Variants in NR1H4 observed in about 807,000 individuals in gnomAD.
NR1H4 encodes the protein nuclear receptor subfamily 1 group H member 4, also known as bile acid receptor.
Under a neutral mutation model 58.5 loss-of-function variants are expected in NR1H4, and 23 were observed. The ratio of observed to expected loss-of-function variants is 0.39; its 90% CI spans 0.28 to 0.56. The LOEUF (loss-of-function observed/expected upper bound fraction) is 0.56, where lower values mean the gene tolerates loss of function less well. NR1H4 is among the 20% of genes least tolerant of loss of function. The pLI is 0.58. For missense variants in NR1H4, 487 were observed against 576.9 expected (o/e 0.84, Z 1.60); for synonymous variants, 214 against 198.0 (o/e 1.08, Z -0.68).
Position 100,535,077 on chromosome 12 carries a change from A to G in NR1H4, c.732+54A>G, listed in dbSNP as rs1013767840. 1.6e-5 allele frequency: 26 copies of G among 1,607,608 alleles called. 1 individual carries two copies. The highest frequency in any genetic ancestry group is 2.1e-5 in the Non-Finnish European group (25 of 1,174,202). The stretch of plus-strand genomic sequence containing the variant: ...ACTGGCAGGAACTGAGTTTCTAGGT[A>G]CATAGTGAGCTGGCCAGGAGGCTTT... On this transcript the variant is annotated intron_variant, in intron 6 of 10. Transcript: ENST00000392986.
At position 100,519,659 on chromosome 12, in the gene NR1H4, G is replaced by T. The variant is rs537292289; in HGVS notation, c.445+8516G>T. On this transcript the variant is annotated intron_variant, in intron 4 of 10. Coordinates refer to ENST00000392986, the MANE Select transcript of NR1H4 (RefSeq NM_001206979.2). ...ATGCTGGGTGCAGAGAACCCTGGGG[G>T]TTTCTCCAGTTCTACCCAGGAAAGG... Among the ~76,000 whole-genome samples, 437 of 152,256 alleles carry T rather than the reference G, an allele frequency of 2.9e-3. 1 individual carries two copies. Among genetic ancestry groups the T allele is most frequent in the Non-Finnish European group, 5.2e-3 (351 of 68,006 alleles).
chr12:100,507,100 A>G (rs1012101131), intron 3 of NR1H4, among the ~76,000 whole-genome samples: 4 of 152,220 alleles, frequency 2.6e-5, no homozygotes, highest in Non-Finnish European at 5.9e-5. Context: ...TCCAGATTCT[A>G]TCGGTTTTTG....
intron 3 of NR1H4, chr12:100,503,294 G>C (rs1300002299): frequency 2.8e-6 from 4 of 1,441,090 alleles, no homozygotes; most frequent in African/African-American, 1.4e-5. Context: ...CAAATATTCT[G>C]CTCCGTAATG....
At chr12:100,507,605 GGT>G (rs1338457681) in intron 3 of NR1H4, among the ~76,000 whole-genome samples, 1 of 152,080 alleles carries the variant, frequency 6.6e-6, no homozygotes, top group African/African-American at 2.4e-5. Context: ...TGGGACTACA[GGT>G]GTGCACCACC....
At chr12:100,475,100 G>A (rs1345904673) in intron 1 of NR1H4, among the ~76,000 whole-genome samples, 1 of 148,534 alleles carries the variant, frequency 6.7e-6, no homozygotes, top group African/African-American at 2.6e-5. Context: ...TTATATGTCA[G>A]TCACACCTCA....
At chr12:100,545,640 T>C (rs1390574679) in intron 9 of NR1H4, among the ~76,000 whole-genome samples, 3 of 28,242 alleles carry the variant, frequency 1.1e-4, no homozygotes, top group African/African-American at 3.0e-4. Flanking sequence ...AGACCTTGTC[T>C]CAAAAAAAAA....
In NR1H4 at chr12:100,528,875, T is replaced by C. The variant is rs3789983; in HGVS notation, c.446-3583T>C. Among the ~76,000 whole-genome samples the C allele has an allele frequency of 0.012, 1,885 of 152,262 alleles. 118 individuals are homozygous for C. The East Asian group carries it at 0.15, about 12-fold the overall frequency. On this transcript the variant is annotated intron_variant, in intron 4 of 10. Transcript: ENST00000392986. ...CTTTATTCTGTTAACTATTAAGCTG[T>C]CTATCAGTATCTATGACAGTTTTAA... is the stretch of plus-strand genomic sequence containing the variant.
At chr12:100,552,732 A>G (rs1430832241) in intron 9 of NR1H4, among the ~76,000 whole-genome samples, 1 of 152,094 alleles carries the variant, frequency 6.6e-6, no homozygotes, top group African/African-American at 2.4e-5. Context: ...AGACCGGCCT[A>G]GAATACATAG....
intron 9 of NR1H4, among the ~76,000 whole-genome samples, chr12:100,558,598 A>G (rs1168729601): frequency 2.6e-5 from 4 of 152,216 alleles, no homozygotes; most frequent in South Asian, 2.1e-4. Context: ...AGCTCAAGCA[A>G]TCTTCCAGCC....
At chr12:100,506,489 T>C (rs1953968338) in intron 3 of NR1H4, among the ~76,000 whole-genome samples, 1 of 152,144 alleles carries the variant, frequency 6.6e-6, no homozygotes, top group African/African-American at 2.4e-5. Flanking sequence ...TAGAAGTGAA[T>C]GTGCTTTGAG....
At chr12:100,478,553 C>T (rs1278022655) in intron 1 of NR1H4, among the ~76,000 whole-genome samples, 2 of 152,068 alleles carry the variant, frequency 1.3e-5, no homozygotes, top group African/African-American at 4.8e-5. Context: ...TATTTTTTGA[C>T]CTTCCCCTAG....
intron 1 of NR1H4, among the ~76,000 whole-genome samples, chr12:100,482,537 G>A (rs1953403650): frequency 6.6e-6 from 1 of 152,156 alleles, no homozygotes; most frequent in Non-Finnish European, 1.5e-5. Flanking sequence ...ATTGTGCAAG[G>A]CATTGGAGAT....
chr12:100,504,295 C>T (rs1034279537), intron 3 of NR1H4, among the ~76,000 whole-genome samples: 1 of 152,068 alleles, frequency 6.6e-6, no homozygotes, highest in Non-Finnish European at 1.5e-5. Flanking sequence ...CAAGAAAAAA[C>T]TCGAGTCATT....
chr12:100,510,563 T>C (rs1246559706), intron 3 of NR1H4, among the ~76,000 whole-genome samples: 2 of 149,420 alleles, frequency 1.3e-5, no homozygotes, highest in Non-Finnish European at 3.0e-5. Flanking sequence ...GTCTGTCCTC[T>C]ATGTTGCAGA....
At chr12:100,499,625 G>T (rs557870385) in intron 3 of NR1H4, among the ~76,000 whole-genome samples, 33 of 152,240 alleles carry the variant, frequency 2.2e-4, no homozygotes, top group African/African-American at 7.9e-4. Flanking sequence ...TTGGCCAGCT[G>T]GTAGGCGATT....
At chr12:100,546,975 T>A (rs1198715513) in intron 9 of NR1H4, among the ~76,000 whole-genome samples, 1 of 152,180 alleles carries the variant, frequency 6.6e-6, no homozygotes, top group Non-Finnish European at 1.5e-5. Context: ...ACAGTATGAC[T>A]GGCTTACCCA....
intron 3 of NR1H4, among the ~76,000 whole-genome samples, chr12:100,501,079 A>C (rs1211763695): frequency 6.6e-6 from 1 of 151,864 alleles, no homozygotes; most frequent in Non-Finnish European, 1.5e-5. Flanking sequence ...TTCTGTGTGA[A>C]TTTCACTCAG....
At chr12:100,550,260 A>C (rs1314412558) in intron 9 of NR1H4, among the ~76,000 whole-genome samples, 1 of 152,174 alleles carries the variant, frequency 6.6e-6, no homozygotes, top group Non-Finnish European at 1.5e-5. Context: ...CTTACAAACT[A>C]GGGGTTTAAG....
intron 3 of NR1H4, among the ~76,000 whole-genome samples, chr12:100,498,956 G>A (rs1439216293): frequency 6.6e-6 from 1 of 151,894 alleles, no homozygotes; most frequent in Admixed American, 6.6e-5. Flanking sequence ...ATAGAGAAAG[G>A]GCCTTGCTCT....
Sources: allele counts gnomAD v4.1 joint callset (sites outside exome capture counted in the v4.1 genomes callset), GRCh38; gene constraint gnomAD v4.1.1; transcripts MANE v1.5; gene names NCBI Gene and HGNC (gene_info 2026-07-23, HGNC 2026-07-21).